Variants in P2RX5 observed in about 807,000 individuals in gnomAD.
P2RX5 encodes purinergic receptor P2X 5, also known as P2X purinoceptor 5.
Under a neutral mutation model 54.1 loss-of-function variants are expected in P2RX5, and 46 were observed. The observed-to-expected ratio is 0.85, with a 90% CI of 0.67 to 1.09. The LOEUF is 1.09. Among genes scored for constraint, P2RX5 ranks in the 50% least tolerant of loss-of-function variants. P2RX5 has a pLI of 0.00. For missense variants in P2RX5, 566 were observed against 549.8 expected (o/e 1.03, Z -0.29); for synonymous variants, 226 against 226.4 (o/e 1.00, Z 0.02).
intron 9 of P2RX5, chr17:3,682,925 C>T (rs1217565464): frequency 6.6e-6 from 1 of 152,180 alleles, no homozygotes; most frequent in Non-Finnish European, 1.5e-5. Flanking sequence ...ACTCAGGACG[C>T]TGAGGCAGGA....
chr17:3,689,126 C>A (rs1285771194), intron 7 of P2RX5, among the ~76,000 whole-genome samples: 1 of 152,278 alleles, frequency 6.6e-6, no homozygotes, highest in Non-Finnish European at 1.5e-5. Flanking sequence ...TCACTGACTG[C>A]CCGTGGTCTG....
intron 1 of P2RX5, 121 bp from the exon 2 acceptor site, chr17:3,691,915 G>A: frequency 3.0e-6 from 3 of 995,614 alleles, no homozygotes; most frequent in Non-Finnish European, 3.2e-6. Context: ...CAGGCTCAGG[G>A]CTCCACCTGT....
intron 11 of P2RX5, 31 bp downstream of exon 11, chr17:3,679,545 CTGCAGGACCCAGCT>C (rs1291234683): frequency 1.3e-6 from 2 of 1,583,188 alleles, no homozygotes; most frequent in Non-Finnish European, 1.7e-6. Flanking sequence ...GGACCCCTCT[CTGCAGGACCCAGCT>C]GTCGGGCTCT....
the P2RX5 span, chr17:3,723,609 G>A: frequency 2.8e-6 from 4 of 1,422,480 alleles, no homozygotes; most frequent in Non-Finnish European, 3.8e-6. Context: ...GGTAACCCAG[G>A]AAAAACAGTC....
At chr17:3,711,982 G>T in the P2RX5 span, among the ~76,000 whole-genome samples, 1 of 136,992 alleles carries the variant, frequency 7.3e-6, no homozygotes, top group African/African-American at 2.9e-5. Context: ...ACGCCAATTG[G>T]ATCAGCACGA....
chr17:3,721,260 CTTTTTTTTTTTT>C, the P2RX5 span, among the ~76,000 whole-genome samples: 48 of 46,220 alleles, frequency 1.0e-3, 1 homozygote, highest in South Asian at 0.053. Context: ...GAGATTTTTC[CTTTTTTTTTTTT>C]TTTTTTTTTT....
At chr17:3,703,961 A>G in the P2RX5 span, among the ~76,000 whole-genome samples, 1 of 152,102 alleles carries the variant, frequency 6.6e-6, no homozygotes, top group Middle Eastern at 3.4e-3. Context: ...AAGTAGCCGG[A>G]CGTGGTGGCA....
chr17:3,681,850 C>A lies in P2RX5; in HGVS notation c.1064+46G>T, dbSNP rs746166578. ...GCAAAGGCTCGAAGCCACGGGGGTG[C>A]TCCACAGGGCTGCCCTCGGGCCGCC... On this transcript the variant is annotated intron_variant, in intron 10 of 11. Transcript: ENST00000225328. 6 of 1,304,032 alleles carry A rather than the reference C, an allele frequency of 4.6e-6. No homozygotes were observed. In the South Asian group the frequency reaches 7.1e-5, roughly 15 times the overall value. The allele number at this position is 1,304,032 out of a possible 1,614,324, so 80.8% of individuals were successfully genotyped here. A position where few individuals can be genotyped will look rare whatever the true frequency, so the allele number is the denominator to read the frequency against.
At chr17:3,719,457 C>A in the P2RX5 span, among the ~76,000 whole-genome samples, 1 of 152,044 alleles carries the variant, frequency 6.6e-6, no homozygotes, top group Non-Finnish European at 1.5e-5. Context: ...AGATAGATCA[C>A]CTCTGAAGCC....
intron 9 of P2RX5, among the ~76,000 whole-genome samples, chr17:3,683,612 C>T (rs1341450955): frequency 6.6e-6 from 1 of 152,110 alleles, no homozygotes; most frequent in African/African-American, 2.4e-5. Context: ...CGCCTGTAAT[C>T]CCAGCTACTC....
intron 3 of P2RX5, 93 bp downstream of exon 3, chr17:3,690,863 G>T: frequency 8.0e-7 from 1 of 1,253,000 alleles, no homozygotes; most frequent in African/African-American, 1.5e-5. Flanking sequence ...GACCCTTGGA[G>T]TGGACAGACA....
the P2RX5 span, chr17:3,716,815 G>C: frequency 7.3e-6 from 10 of 1,378,242 alleles, no homozygotes; most frequent in Non-Finnish European, 1.0e-5. Flanking sequence ...AAGACAAAGA[G>C]ATCGCCCAAT....
At chr17:3,706,902 G>A in the P2RX5 span, among the ~76,000 whole-genome samples, 2 of 152,158 alleles carry the variant, frequency 1.3e-5, no homozygotes, top group African/African-American at 2.4e-5. Flanking sequence ...GCGCCACTGC[G>A]CCCACCTATA....
intron 10 of P2RX5, among the ~76,000 whole-genome samples, chr17:3,681,017 A>ATACTCCACCCTGCG (rs2050263000): frequency 6.5e-5 from 7 of 107,984 alleles, no homozygotes; most frequent in Non-Finnish European, 9.5e-5. Flanking sequence ...TCCACCCTGC[A>ATACTCCACCCTGCG]TCCTCCACCC....
intron 11 of P2RX5, chr17:3,676,690 A>T: frequency 4.7e-4 from 187 of 396,748 alleles, no homozygotes; most frequent in South Asian, 1.7e-3. Context: ...GTTGAAACAC[A>T]GGTTCTGATT....
chr17:3,718,633 T>C, the P2RX5 span, among the ~76,000 whole-genome samples: 3 of 152,354 alleles, frequency 2.0e-5, no homozygotes, highest in South Asian at 4.1e-4. Context: ...GCTTAGGATA[T>C]TGGATTTAAA....
chr17:3,688,178 G>C, intron 8 of P2RX5, 73 bp from the exon 9 acceptor site: 1 of 827,020 alleles, frequency 1.2e-6, no homozygotes, highest in Non-Finnish European at 2.1e-6. Flanking sequence ...TGATGTGGCT[G>C]CTCTGGGGAC....
chr17:3,705,186 G>A, the P2RX5 span, among the ~76,000 whole-genome samples: 2 of 152,164 alleles, frequency 1.3e-5, no homozygotes, highest in African/African-American at 4.8e-5. Flanking sequence ...CCACTCCCAA[G>A]TTCCAGGACT....
chr17:3,691,773 C>G lies in P2RX5; in HGVS notation c.159G>C (p.Lys53Asn). The part of the protein sequence containing the change: ...YLVVWVFLIK[K>N]GYQDVDTSLQ... ...GGGAGGTGTCGACGTCTTGGTAACC[C>G]TTCTTTATCAGGAACACCCATCTGT... The change falls in exon 2 of 12, where the codon AAG becomes AAC. Residue 53 changes from lysine to asparagine, a missense_variant. Transcript: ENST00000225328. 1 of 1,614,180 alleles carries G rather than the reference C, an allele frequency of 6.2e-7. No homozygotes were observed. Among genetic ancestry groups the G allele is most frequent in the East Asian group, 2.2e-5 (1 of 44,882 alleles).
Sources: allele counts gnomAD v4.1 joint callset (sites outside exome capture counted in the v4.1 genomes callset), GRCh38; gene constraint gnomAD v4.1.1; transcripts MANE v1.5; gene names NCBI Gene and HGNC (gene_info 2026-07-23, HGNC 2026-07-21).